COL28A1: variants seen among roughly 807,000 people sequenced by gnomAD.
The protein encoded by COL28A1 is collagen alpha-1(XXVIII) chain.
Under a neutral mutation model 150.2 loss-of-function variants are expected in COL28A1, and 161 were observed. That is an observed-to-expected ratio of 1.07 (90% CI 0.94 to 1.22). The LOEUF (loss-of-function observed/expected upper bound fraction) is 1.22. COL28A1 is among the 50% of genes most tolerant of loss of function. The pLI is 0.00. For missense variants in COL28A1, 1,617 were observed against 1,388.3 expected (o/e 1.16, Z -2.62); for synonymous variants, 552 against 469.7 (o/e 1.18, Z -2.26).
chr7:7,356,008 T>C (rs1420020984), downstream of COL28A1, among the ~76,000 whole-genome samples: 1 of 152,190 alleles, frequency 6.6e-6, no homozygotes, highest in African/African-American at 2.4e-5. Context: ...TAAATGAACA[T>C]GTATGAATTA....
At chr7:7,411,704 T>TG (rs1206191866) in intron 27 of COL28A1, among the ~76,000 whole-genome samples, 2 of 152,196 alleles carry the variant, frequency 1.3e-5, no homozygotes, top group African/African-American at 4.8e-5. Context: ...TCCAGCTCTT[T>TG]GGCGAGTTCT....
intron 30 of COL28A1, among the ~76,000 whole-genome samples, chr7:7,377,335 T>C (rs142813325): frequency 5.9e-5 from 9 of 152,278 alleles, no homozygotes; most frequent in African/African-American, 2.2e-4. Flanking sequence ...TTGGTGCCAA[T>C]GATGAAGGCA....
At chr7:7,543,348 T>A in the COL28A1 span, among the ~76,000 whole-genome samples, 1 of 152,248 alleles carries the variant, frequency 6.6e-6, no homozygotes, top group Admixed American at 6.5e-5. Flanking sequence ...ACTTTGTAGC[T>A]GAATAATATA....
intron 33 of COL28A1, among the ~76,000 whole-genome samples, chr7:7,366,100 T>C (rs1321556031): frequency 1.3e-5 from 2 of 152,158 alleles, no homozygotes; most frequent in African/African-American, 4.8e-5. Context: ...GTAAACATTT[T>C]TGACAGCTGT....
intron 27 of COL28A1, among the ~76,000 whole-genome samples, chr7:7,393,592 G>A (rs1474845616): frequency 1.6e-5 from 2 of 126,258 alleles, no homozygotes; most frequent in East Asian, 2.4e-4. Flanking sequence ...CGAGGGAGAC[G>A]GGGGTTTTAT....
In COL28A1 at chr7:7,500,696, A is replaced by T. The variant is rs148471310; in HGVS notation, c.1026+5318T>A. Among the ~76,000 whole-genome samples, 211 of 152,336 alleles carry T rather than the reference A, an allele frequency of 1.4e-3. 1 individual carries two copies. The highest frequency in any genetic ancestry group is 4.7e-3 in the African/African-American group (194 of 41,576). On this transcript the variant is annotated intron_variant, in intron 11 of 34. Transcript: ENST00000399429. Reference sequence around the variant, plus strand: ...CTTTGAAGAAAACAGGATGTTGTGTAGGGACGTTTAGCATGCTTACAGTTT... The same window carrying T: ...CTTTGAAGAAAACAGGATGTTGTGTTGGGACGTTTAGCATGCTTACAGTTT...
intron 27 of COL28A1, among the ~76,000 whole-genome samples, chr7:7,392,465 T>C (rs1368751863): frequency 6.6e-6 from 1 of 152,202 alleles, no homozygotes; most frequent in Admixed American, 6.5e-5. Context: ...GGGTTGCTCT[T>C]CTCGAGGAGT....
chr7:7,431,455 T>C (rs75332860), intron 25 of COL28A1: 5,779 of 459,820 alleles, frequency 0.013, 148 homozygotes, highest in African/African-American at 0.068. Context: ...AGTAATGCTT[T>C]CTGTATGGGT....
chr7:7,391,341 ATTGT>A (rs1417879910), intron 27 of COL28A1, among the ~76,000 whole-genome samples: 6 of 152,042 alleles, frequency 3.9e-5, no homozygotes, highest in Non-Finnish European at 5.9e-5. Flanking sequence ...GGTCTGAGAG[ATTGT>A]TTGTTATGAT....
rs989675843 is a variant in COL28A1, at chr7:7,461,167, T to C, written c.1303-5055A>G. On this transcript the variant is annotated intron_variant, in intron 15 of 34. Coordinates refer to ENST00000399429, the MANE Select transcript of COL28A1 (RefSeq NM_001037763.3). ...CTGGGGAACCTGAAGGTCTAGATTA[T>C]GGGAGCTGAGTCAATTTAGAGAGCC... Among the ~76,000 whole-genome samples the C allele has an allele frequency of 9.2e-5, 14 of 152,162 alleles. 1 individual carries two copies. The highest frequency in any genetic ancestry group is 7.9e-4 in the Admixed American group (12 of 15,274).
At chr7:7,442,416 A>G (rs1421009335) in intron 20 of COL28A1, among the ~76,000 whole-genome samples, 2 of 152,172 alleles carry the variant, frequency 1.3e-5, no homozygotes, top group African/African-American at 2.4e-5. Flanking sequence ...ACACATCCTA[A>G]AAACAATTCT....
chr7:7,349,957 AT>A, the COL28A1 span, among the ~76,000 whole-genome samples: 1 of 152,282 alleles, frequency 6.6e-6, no homozygotes, highest in East Asian at 1.9e-4. Flanking sequence ...TGAAGAACAA[AT>A]TTAAGGACAT....
At chr7:7,523,904 T>C (rs1781881970) in intron 4 of COL28A1, among the ~76,000 whole-genome samples, 1 of 152,208 alleles carries the variant, frequency 6.6e-6, no homozygotes, top group South Asian at 2.1e-4. Context: ...ATAGAGGACC[T>C]GATGTGGCTG....
chr7:7,432,880 G>C (rs973471225), intron 23 of COL28A1, among the ~76,000 whole-genome samples, 180 bp from the exon 24 acceptor site: 5 of 152,024 alleles, frequency 3.3e-5, no homozygotes, highest in African/African-American at 1.2e-4. Context: ...CGTAAATCAA[G>C]AAGAAGTATA....
At position 7,406,643 on chromosome 7, in the gene COL28A1, G is replaced by A. The variant is rs180869546; in HGVS notation, c.2136+11216C>T. On this transcript the variant is annotated intron_variant, in intron 27 of 34. Transcript: ENST00000399429. ...GTGGTCTCTCTAAGGACATAATATC[G>A]GAGCTAATACTGTCATAAAGAGAAG... Among the ~76,000 whole-genome samples, 565 of 152,152 alleles carry A rather than the reference G, an allele frequency of 3.7e-3. 3 individuals carry two copies. The highest frequency in any genetic ancestry group is 8.1e-3 in the African/African-American group (335 of 41,528).
At chr7:7,360,635 C>G in intron 33 of COL28A1, 107 bp from the exon 34 acceptor site, 6 of 968,108 alleles carry the variant, frequency 6.2e-6, no homozygotes, top group Non-Finnish European at 9.1e-6. Context: ...CTGTGTTTCC[C>G]TAGCTCTCTG....
chr7:7,398,843 C>T (rs1365140821), intron 27 of COL28A1, among the ~76,000 whole-genome samples: 8 of 152,176 alleles, frequency 5.3e-5, no homozygotes, highest in Non-Finnish European at 1.2e-4. Context: ...TCTCCTTGTC[C>T]TCCTGAGTGT....
intron 27 of COL28A1, among the ~76,000 whole-genome samples, chr7:7,386,095 T>TCA (rs756627240): frequency 6.6e-6 from 1 of 152,220 alleles, no homozygotes; most frequent in Non-Finnish European, 1.5e-5. Flanking sequence ...AATCACTATA[T>TCA]CACCACATTA....
At chr7:7,430,046 G>A (rs1784874947) in intron 25 of COL28A1, among the ~76,000 whole-genome samples, 1 of 152,140 alleles carries the variant, frequency 6.6e-6, no homozygotes, top group Admixed American at 6.5e-5. Flanking sequence ...GAGGAAAATG[G>A]CATATGCAAT....
Sources: gnomAD v4.1 joint callset for allele counts (sites outside exome capture counted in the v4.1 genomes callset) on GRCh38, gnomAD v4.1.1 for gene constraint, MANE v1.5 for transcripts, NCBI Gene and HGNC (gene_info 2026-07-23, HGNC 2026-07-21) for gene names.